The following NRG3 variants were observed in gnomAD, a reference collection of about 807,000 sequenced individuals.
The protein encoded by NRG3 is pro-neuregulin-3, membrane-bound isoform.
In NRG3, 31 loss-of-function variants were observed where a neutral mutation model predicts 66.9. The observed-to-expected ratio is 0.46, with a 90% confidence interval of 0.35 to 0.63. NRG3 has a LOEUF of 0.63. NRG3 is among the 20% of genes least tolerant of loss of function. The probability of loss-of-function intolerance (pLI) is 0.00; values close to 1 mark genes in which losing one functional copy is unlikely to be tolerated. For synonymous variants in NRG3, 393 were observed against 359.4 expected (o/e 1.09, Z -1.06); for missense variants, 910 against 878.9 (o/e 1.04, Z -0.45).
At chr10:82,528,968 T>C (rs1846991697) in intron 2 of NRG3, among the ~76,000 whole-genome samples, 1 of 152,150 alleles carries the variant, frequency 6.6e-6, no homozygotes, top group African/African-American at 2.4e-5. Flanking sequence ...GTTTTTCACT[T>C]GTAATAAAAT....
chr10:82,520,759 G>T (rs1354206282), intron 2 of NRG3, among the ~76,000 whole-genome samples: 1 of 152,112 alleles, frequency 6.6e-6, no homozygotes, highest in Non-Finnish European at 1.5e-5. Flanking sequence ...AAAGTACTTT[G>T]GGTTACAATG....
intron 2 of NRG3, among the ~76,000 whole-genome samples, chr10:82,732,765 A>G (rs1189579698): frequency 6.6e-6 from 1 of 152,238 alleles, no homozygotes; most frequent in African/African-American, 2.4e-5. Context: ...CAGAGCAGCC[A>G]GGCTTCAAAA....
rs1054649961 is a variant in NRG3, at chr10:82,088,391, G to A, written c.823+212228G>A. Among the ~76,000 whole-genome samples, 5 of 152,006 alleles carry A rather than the reference G, an allele frequency of 3.3e-5. 1 individual carries two copies. The highest frequency in any genetic ancestry group is 1.2e-4 in the African/African-American group (5 of 41,326). On this transcript the variant is annotated intron_variant, in intron 1 of 8. Coordinates refer to ENST00000372141, the MANE Select transcript of NRG3 (RefSeq NM_001010848.4). ...TAGTTTATTCATATGTTCATAGTTG[G>A]ACAAATTAATGTGTCTACAGCCCAA...
intron 2 of NRG3, among the ~76,000 whole-genome samples, chr10:82,496,608 C>G (rs896532984): frequency 3.9e-5 from 6 of 151,922 alleles, no homozygotes; most frequent in Non-Finnish European, 8.8e-5. Flanking sequence ...CTGTTTTATT[C>G]TCTTTACATA....
intron 2 of NRG3, among the ~76,000 whole-genome samples, chr10:82,662,655 G>A (rs1178128784): frequency 6.6e-6 from 1 of 152,152 alleles, no homozygotes; most frequent in East Asian, 1.9e-4. Flanking sequence ...TACTGCACTA[G>A]CATTTTCACA....
At chr10:82,532,051 T>C (rs1342458408) in intron 2 of NRG3, among the ~76,000 whole-genome samples, 1 of 151,946 alleles carries the variant, frequency 6.6e-6, no homozygotes, top group African/African-American at 2.4e-5. Flanking sequence ...GTATATGTGA[T>C]ACTTTGATAT....
intron 8 of NRG3, among the ~76,000 whole-genome samples, chr10:82,980,194 G>C (rs576388814): frequency 7.7e-5 from 11 of 142,798 alleles, no homozygotes; most frequent in Middle Eastern, 3.8e-3. Context: ...GACAGAGTGA[G>C]ACCCTATCTC....
chr10:82,951,391 C>T (rs4933861), intron 4 of NRG3, 78 bp from the exon 5 acceptor site: 398,456 of 1,151,950 alleles, frequency 0.35, 73,984 homozygotes, highest in East Asian at 0.68. Context: ...CTCCTACCAG[C>T]TCAGAAGTAC....
At chr10:82,515,064 G>A (rs896022107) in intron 2 of NRG3, among the ~76,000 whole-genome samples, 3 of 152,128 alleles carry the variant, frequency 2.0e-5, no homozygotes, top group African/African-American at 7.2e-5. Flanking sequence ...GCTAATATGA[G>A]GCAGCACATG....
At chr10:82,868,224 T>C (rs1840955612) in intron 4 of NRG3, among the ~76,000 whole-genome samples, 1 of 152,182 alleles carries the variant, frequency 6.6e-6, no homozygotes, top group African/African-American at 2.4e-5. Flanking sequence ...CACTGGTAAT[T>C]TATAGAGTTA....
chr10:82,813,430 T>C (rs1263201858), intron 3 of NRG3, among the ~76,000 whole-genome samples: 11 of 151,940 alleles, frequency 7.2e-5, no homozygotes, highest in Admixed American at 7.2e-4. Flanking sequence ...GCCAAGCTGG[T>C]CTCAAACTCC....
chr10:82,452,636 G>A (rs1411220180), intron 2 of NRG3, among the ~76,000 whole-genome samples: 1 of 151,730 alleles, frequency 6.6e-6, no homozygotes, highest in Non-Finnish European at 1.5e-5. Flanking sequence ...ATCAAAATGT[G>A]CTTGTGATCA....
At chr10:82,505,120 T>C (rs1273120004) in intron 2 of NRG3, among the ~76,000 whole-genome samples, 1 of 152,220 alleles carries the variant, frequency 6.6e-6, no homozygotes, top group African/African-American at 2.4e-5. Context: ...GTGGAACCAA[T>C]TATTTAAAGT....
At chr10:82,609,347 C>A (rs551867217) in intron 2 of NRG3, among the ~76,000 whole-genome samples, 1 of 152,250 alleles carries the variant, frequency 6.6e-6, no homozygotes, top group East Asian at 1.9e-4. Context: ...TTGATTAGCA[C>A]TGATTTGGTA....
intron 1 of NRG3, among the ~76,000 whole-genome samples, chr10:82,180,220 T>C (rs571627367): frequency 4.7e-4 from 71 of 151,892 alleles, no homozygotes; most frequent in Middle Eastern, 3.4e-3. Flanking sequence ...TTCTTTTCAT[T>C]TTTGATTATT....
intron 1 of NRG3, among the ~76,000 whole-genome samples, chr10:82,114,424 C>T (rs1319053494): frequency 6.6e-6 from 1 of 152,070 alleles, no homozygotes; most frequent in Admixed American, 6.6e-5. Flanking sequence ...CTAAAAAATT[C>T]AAATTATTTT....
chr10:82,738,194 A>T (rs1035472862), intron 2 of NRG3, among the ~76,000 whole-genome samples: 1 of 152,114 alleles, frequency 6.6e-6, no homozygotes, highest in African/African-American at 2.4e-5. Flanking sequence ...TTTTATAAGA[A>T]AATGGCACTT....
chr10:82,671,541 A>G (rs551260722), intron 2 of NRG3, among the ~76,000 whole-genome samples: 1 of 152,314 alleles, frequency 6.6e-6, no homozygotes, highest in Non-Finnish European at 1.5e-5. Flanking sequence ...GCACTGCTGA[A>G]CAGGGTGCAG....
intron 2 of NRG3, among the ~76,000 whole-genome samples, chr10:82,417,168 G>A (rs1014124067): frequency 6.6e-6 from 1 of 152,020 alleles, no homozygotes; most frequent in African/African-American, 2.4e-5. Flanking sequence ...AATCATTATG[G>A]ATTTCTCCAA....
Sources: gnomAD v4.1 joint callset for allele counts (sites outside exome capture counted in the v4.1 genomes callset) on GRCh38, gnomAD v4.1.1 for gene constraint, MANE v1.5 for transcripts, NCBI Gene and HGNC (gene_info 2026-07-23, HGNC 2026-07-21) for gene names.